Variants in ANKRD26 observed in about 807,000 individuals in gnomAD.
The protein encoded by ANKRD26 is ankyrin repeat domain-containing protein 26.
A neutral mutation model predicts 208.7 loss-of-function variants in ANKRD26; 141 were observed. That is an observed-to-expected ratio of 0.68 (90% CI 0.59 to 0.78). ANKRD26 has a LOEUF of 0.78. Among genes scored for constraint, ANKRD26 ranks in the 30% least tolerant of loss-of-function variants. ANKRD26 has a pLI of 0.00. For missense variants in ANKRD26, 1,889 were observed against 1,938.7 expected (o/e 0.97, Z 0.48); for synonymous variants, 636 against 660.4 (o/e 0.96, Z 0.57).
downstream of ANKRD26, among the ~76,000 whole-genome samples, chr10:26,972,200 A>G (rs376219502): frequency 2.2e-3 from 328 of 149,844 alleles, 3 homozygotes; most frequent in Admixed American, 3.6e-3. Context: ...GTGCCACTGC[A>G]CTCCAGCCTG....
At chr10:26,988,114 G>A (rs74128517), downstream of ANKRD26, among the ~76,000 whole-genome samples, 3,185 of 152,280 alleles carry the variant, frequency 0.021, 173 homozygotes, top group East Asian at 0.17. Flanking sequence ...GATGGGATCA[G>A]ACTGTTCATC....
downstream of ANKRD26, among the ~76,000 whole-genome samples, chr10:27,001,426 G>A (rs937158801): frequency 1.3e-5 from 2 of 152,204 alleles, no homozygotes; most frequent in Non-Finnish European, 2.9e-5. Flanking sequence ...CCCCTGCAGA[G>A]AGAGGGTCCT....
At chr10:27,027,871 C>A (rs1177759573) in intron 27 of ANKRD26, among the ~76,000 whole-genome samples, 2 of 152,086 alleles carry the variant, frequency 1.3e-5, no homozygotes, top group African/African-American at 4.8e-5. Flanking sequence ...TTTATAATGG[C>A]GTGAAACCAT....
chr10:26,969,415 C>A (rs1041046698), downstream of ANKRD26, among the ~76,000 whole-genome samples: 4 of 152,210 alleles, frequency 2.6e-5, no homozygotes, highest in Admixed American at 2.6e-4. Flanking sequence ...AAACCAGCCA[C>A]ACACATCAAA....
intron 3 of ANKRD26, 137 bp downstream of exon 3, chr10:27,093,212 G>C: frequency 1.2e-6 from 1 of 832,854 alleles, no homozygotes; most frequent in Non-Finnish European, 1.9e-6. Context: ...TAAAATCTTA[G>C]ACAATTAAGT....
chr10:27,094,394 C>T (rs2056400114), intron 1 of ANKRD26, among the ~76,000 whole-genome samples: 1 of 152,210 alleles, frequency 6.6e-6, no homozygotes, highest in Admixed American at 6.5e-5. Context: ...AGCAACCTAT[C>T]TGAATAGAAA....
At chr10:26,949,148 G>C in the ANKRD26 span, among the ~76,000 whole-genome samples, 19 of 152,134 alleles carry the variant, frequency 1.2e-4, no homozygotes, top group African/African-American at 4.6e-4. Flanking sequence ...AAATTTTAAT[G>C]GTTTAATGAA....
At chr10:27,014,260 C>T (rs2053216727) in intron 31 of ANKRD26, among the ~76,000 whole-genome samples, 1 of 150,452 alleles carries the variant, frequency 6.6e-6, no homozygotes, top group Non-Finnish European at 1.5e-5. Flanking sequence ...ATCCAGTTAA[C>T]TACCTAAGAA....
chr10:27,051,719 C>A (rs751455306), intron 16 of ANKRD26: 532 of 985,194 alleles, frequency 5.4e-4, no homozygotes, highest in Non-Finnish European at 6.0e-4. Flanking sequence ...TTTGTTCAGG[C>A]AATGCCTGGA....
At chr10:27,020,592 T>G (rs2135010057) in intron 29 of ANKRD26, among the ~76,000 whole-genome samples, 1 of 152,370 alleles carries the variant, frequency 6.6e-6, no homozygotes, top group East Asian at 1.9e-4. Context: ...CCTATTTCAC[T>G]TAACATAATG....
chr10:27,046,296 GA>G, intron 18 of ANKRD26, 56 bp downstream of exon 18: 4 of 1,557,624 alleles, frequency 2.6e-6, no homozygotes, highest in African/African-American at 1.4e-5. Flanking sequence ...TCTATTTTCA[GA>G]AAAAAATTAC....
chr10:27,037,873 G>T lies in ANKRD26; in HGVS notation c.2557C>A (p.Gln853Lys), dbSNP rs1241657559. Reference sequence around the variant, plus strand: ...ATTTTTATCAAAAATTAATTTACCTGATTCAAATTACTTTTTACAGTCCTC... The same window carrying T: ...ATTTTTATCAAAAATTAATTTACCTTATTCAAATTACTTTTTACAGTCCTC... ...ELRTVKSNLNQVVQERNDAQR... is the reference protein window; with the variant it reads ...ELRTVKSNLNKVVQERNDAQR... Residue 853 changes from glutamine to lysine, a missense_variant and splice_region_variant, in exon 22 of 34, where the codon CAG becomes AAG. Around this residue, in one of 3 missense-constraint regions of ANKRD26, gnomAD observed 1,272 missense variants for 1,273.8 expected, o/e 1.00. Coordinates refer to ENST00000376087, the MANE Select transcript of ANKRD26 (RefSeq NM_014915.3). 1 of 1,603,924 alleles carries T rather than the reference G, an allele frequency of 6.2e-7. No individual in the cohort carries two copies. The highest frequency in any genetic ancestry group is 8.5e-7 in the Non-Finnish European group (1 of 1,174,646).
intron 12 of ANKRD26, chr10:27,061,948 T>C: frequency 1.0e-6 from 1 of 985,116 alleles, no homozygotes; most frequent in Non-Finnish European, 1.2e-6. Flanking sequence ...CATGCCCTCC[T>C]GCTTGCAATA....
At chr10:26,995,293 A>T (rs1589178876) in intron 4 of ANKRD26, 2 of 410,042 alleles carry the variant, frequency 4.9e-6, no homozygotes, top group East Asian at 7.1e-5. Context: ...TGCGGTACAC[A>T]AACAGTAGGA....
At chr10:26,949,480 C>A in the ANKRD26 span, among the ~76,000 whole-genome samples, 1 of 151,670 alleles carries the variant, frequency 6.6e-6, no homozygotes, top group Non-Finnish European at 1.5e-5. Context: ...TCATCATTAT[C>A]TTATAGTTAT....
At chr10:27,049,111 C>T (rs1042501228) in intron 16 of ANKRD26, 132 bp from the exon 17 acceptor site, 2 of 704,014 alleles carry the variant, frequency 2.8e-6, no homozygotes, top group Admixed American at 3.1e-5. Context: ...TTTCTGCTTA[C>T]TCTAATGGGA....
chr10:27,065,871 T>C (rs1232902601), intron 11 of ANKRD26, among the ~76,000 whole-genome samples: 2 of 138,904 alleles, frequency 1.4e-5, no homozygotes, highest in Admixed American at 1.5e-4. Context: ...TTTTTTTTTT[T>C]TTTTTTTTTT....
chr10:27,066,054 G>A (rs1362466620), intron 11 of ANKRD26, among the ~76,000 whole-genome samples: 1 of 151,426 alleles, frequency 6.6e-6, no homozygotes, highest in Non-Finnish European at 1.5e-5. Context: ...GTAGAGATGG[G>A]ACTTCACCAT....
the ANKRD26 span, among the ~76,000 whole-genome samples, chr10:26,958,322 G>A: frequency 1.3e-5 from 2 of 152,086 alleles, no homozygotes; most frequent in African/African-American, 2.4e-5. Context: ...CTGACCTCAA[G>A]TGATCTGCCT....
Sources: allele counts gnomAD v4.1 joint callset (sites outside exome capture counted in the v4.1 genomes callset), GRCh38; gene constraint gnomAD v4.1.1; regional missense constraint gnomAD v4.1.1; transcripts MANE v1.5; gene names NCBI Gene and HGNC (gene_info 2026-07-23, HGNC 2026-07-21).